Variants in TSC22D1 observed in about 807,000 individuals in gnomAD.
The protein encoded by TSC22D1 is TSC22 domain family protein 1.
Under a neutral mutation model 74.2 loss-of-function variants are expected in TSC22D1, and 9 were observed. The ratio of observed to expected loss-of-function variants is 0.12; its 90% CI spans 0.07 to 0.21. The LOEUF (loss-of-function observed/expected upper bound fraction) is 0.21, where lower values mean the gene tolerates loss of function less well. Ranked by LOEUF, TSC22D1 falls within the 10% of genes least tolerant of loss-of-function variation. The pLI is 1.00. For synonymous variants in TSC22D1, 586 were observed against 492.5 expected (o/e 1.19, Z -2.51); for missense variants, 1,427 against 1,304.7 (o/e 1.09, Z -1.44).
rs1883997587 is a variant in TSC22D1, at chr13:44,574,078, G to A, written c.1997C>T (p.Ala666Val). 2 of 1,614,126 alleles carry A rather than the reference G, an allele frequency of 1.2e-6. No individual in the cohort carries two copies. The highest frequency in any genetic ancestry group is 2.2e-5 in the East Asian group (1 of 44,898). Reference sequence around the variant, plus strand: ...AGAACTGGGCTGTCCGGAGGACATTGCTGTTTGAAGAATTGGCTGCTGTTG... The same window carrying A: ...AGAACTGGGCTGTCCGGAGGACATTACTGTTTGAAGAATTGGCTGCTGTTG... ...YVQQQPILQTAMSSGQPSSAG... is the reference protein window; with the variant it reads ...YVQQQPILQTVMSSGQPSSAG... Residue 666 changes from alanine (A) to valine (V), a missense_variant, in exon 1 of 3, where the codon GCA (alanine) becomes GTA (valine). By Grantham distance (64) the Ala-to-Val change is moderately conservative (BLOSUM62 0). Coordinates refer to ENST00000458659, the MANE Select transcript of TSC22D1 (RefSeq NM_183422.4).
At chr13:44,454,441 C>T (rs930502388) in intron 1 of TSC22D1, among the ~76,000 whole-genome samples, 1 of 152,130 alleles carries the variant, frequency 6.6e-6, no homozygotes, top group Non-Finnish European at 1.5e-5. Context: ...AACTGCCCCC[C>T]GCTAAACTAA....
intron 1 of TSC22D1, among the ~76,000 whole-genome samples, chr13:44,493,360 C>T (rs369488871): frequency 5.9e-5 from 9 of 152,258 alleles, no homozygotes; most frequent in African/African-American, 1.4e-4. Flanking sequence ...ACCTTCAGGC[C>T]TGACAAAAGA....
At chr13:44,561,691 ATTT>A (rs1230682262) in intron 1 of TSC22D1, among the ~76,000 whole-genome samples, 1 of 151,440 alleles carries the variant, frequency 6.6e-6, no homozygotes, top group African/African-American at 2.5e-5. Flanking sequence ...CCTAAACATA[ATTT>A]TCTACCTTGT....
At chr13:44,509,950 C>CAAAAAAAAAAAAAAAAAAAAAACCA in intron 1 of TSC22D1, among the ~76,000 whole-genome samples, 2 of 51,424 alleles carry the variant, frequency 3.9e-5, no homozygotes, top group Non-Finnish European at 7.1e-5. Context: ...AGAAAATAAG[C>CAAAAAAAAAAAAAAAAAAAAAACCA]AAAAAAAAAA....
intron 1 of TSC22D1, among the ~76,000 whole-genome samples, chr13:44,506,929 C>T (rs993824881): frequency 6.6e-6 from 1 of 152,154 alleles, no homozygotes; most frequent in Non-Finnish European, 1.5e-5. Context: ...TGCTGTGTAT[C>T]TGGGGACTCA....
At chr13:44,461,998 G>T (rs951385625) in intron 1 of TSC22D1, among the ~76,000 whole-genome samples, 1 of 152,068 alleles carries the variant, frequency 6.6e-6, no homozygotes, top group Admixed American at 6.6e-5. Flanking sequence ...ACAGAAGGAA[G>T]GCAAAAGCAG....
intron 1 of TSC22D1, among the ~76,000 whole-genome samples, chr13:44,460,763 C>G (rs916659414): frequency 6.6e-6 from 1 of 152,210 alleles, no homozygotes; most frequent in Non-Finnish European, 1.5e-5. Context: ...AGGAGATAGT[C>G]TTTCTTTCCC....
chr13:44,560,656 T>C (rs767483827), intron 1 of TSC22D1, among the ~76,000 whole-genome samples: 55 of 152,260 alleles, frequency 3.6e-4, no homozygotes, highest in Non-Finnish European at 6.5e-4. Context: ...AAAAGCAATA[T>C]AGAGGAGTAA....
intron 1 of TSC22D1, among the ~76,000 whole-genome samples, chr13:44,553,721 C>T (rs1436456540): frequency 6.6e-6 from 1 of 152,150 alleles, no homozygotes; most frequent in East Asian, 1.9e-4. Flanking sequence ...GCTTTTACAA[C>T]AACTTATGTT....
intron 1 of TSC22D1, among the ~76,000 whole-genome samples, chr13:44,533,324 T>G (rs1380692721): frequency 6.6e-6 from 1 of 151,180 alleles, no homozygotes; most frequent in Admixed American, 6.6e-5. Flanking sequence ...TAGCTGGGCA[T>G]GGTGGTCCGT....
At chr13:44,536,524 T>C (rs1881136933) in intron 1 of TSC22D1, among the ~76,000 whole-genome samples, 1 of 151,884 alleles carries the variant, frequency 6.6e-6, no homozygotes, top group African/African-American at 2.4e-5. Context: ...CCCACTACAA[T>C]TATTTGCGCA....
At chr13:44,501,370 A>T (rs1879212198) in intron 1 of TSC22D1, among the ~76,000 whole-genome samples, 2 of 152,190 alleles carry the variant, frequency 1.3e-5, no homozygotes, top group Non-Finnish European at 2.9e-5. Context: ...TTCAAAGAGA[A>T]ATGTAAGTAG....
At position 44,533,467 on chromosome 13, in the gene TSC22D1, T is replaced by C. The variant is rs1197663590; in HGVS notation, c.2912+39696A>G. Among the ~76,000 whole-genome samples, 3 of 125,218 alleles carry C rather than the reference T, an allele frequency of 2.4e-5. No homozygotes were observed. The East Asian group carries it at 6.9e-4, about 29-fold the overall frequency. The allele number at this position is 125,218 out of a possible 152,430, so 82.1% of individuals were successfully genotyped here. A position where few individuals can be genotyped will look rare whatever the true frequency, so the allele number is the denominator to read the frequency against. On this transcript the variant is annotated intron_variant, in intron 1 of 2. Transcript: ENST00000458659. ...AGTAAGACTCTGTATCAAATAAAAT[T>C]AAAAAAAAAAAAAAAGGCATGGAAG... is the stretch of plus-strand genomic sequence containing the variant.
rs1216473185 is a variant in TSC22D1, at chr13:44,574,822, G to A, written c.1253C>T (p.Pro418Leu). Residue 418 changes from proline to leucine, a missense_variant, in exon 1 of 3, where the codon CCC becomes CTC. This residue lies in a region of TSC22D1 where 1,343 missense variants were observed against 1,191.5 expected (regional missense o/e 1.13). Coordinates refer to ENST00000458659, the MANE Select transcript of TSC22D1 (RefSeq NM_183422.4). The part of the protein sequence containing the change: ...RVVKLDSSSE[P>L]FKKGRWTCTE... The stretch of plus-strand genomic sequence containing the variant: ...GCAAGTCCATCTACCTTTTTTAAAG[G>A]GCTCAGAACTAGAATCTAACTTCAC... 3 of 1,613,930 alleles carry A rather than the reference G, an allele frequency of 1.9e-6. No individual in the cohort carries two copies. Among genetic ancestry groups the A allele is most frequent in the Non-Finnish European group, 2.5e-6 (3 of 1,180,008 alleles).
chr13:44,558,198 T>C (rs1168277375), intron 1 of TSC22D1, among the ~76,000 whole-genome samples: 3 of 152,174 alleles, frequency 2.0e-5, no homozygotes, highest in Non-Finnish European at 4.4e-5. Context: ...CAGAATGTGG[T>C]TGAGTGCAAG....
In TSC22D1 at chr13:44,516,186, T is replaced by C. The variant is rs1342543797; in HGVS notation, c.2912+56977A>G. Among the ~76,000 whole-genome samples, 4 of 152,170 alleles carry C rather than the reference T, an allele frequency of 2.6e-5. No homozygotes were observed. In the East Asian group the frequency reaches 7.7e-4, roughly 29 times the overall value. The stretch of plus-strand genomic sequence containing the variant: ...AATACATTACTTGACCTGCAGAACT[T>C]TAGCACCTATGCTACTAAAAAAAAA... On this transcript the variant is annotated intron_variant, in intron 1 of 2. Coordinates refer to ENST00000458659, the MANE Select transcript of TSC22D1 (RefSeq NM_183422.4).
intron 1 of TSC22D1, among the ~76,000 whole-genome samples, chr13:44,487,496 C>A: frequency 3.5e-5 from 1 of 28,182 alleles, no homozygotes; most frequent in African/African-American, 1.6e-4. Context: ...AAGACTCCAT[C>A]TCAAAAAAAA....
chr13:44,515,313 T>G (rs1879926267), intron 1 of TSC22D1, among the ~76,000 whole-genome samples: 1 of 152,054 alleles, frequency 6.6e-6, no homozygotes, highest in Admixed American at 6.6e-5. Context: ...TATTTTTTTT[T>G]TAAAAAGAAT....
intron 1 of TSC22D1, among the ~76,000 whole-genome samples, chr13:44,477,232 C>T (rs539920102): frequency 5.3e-5 from 8 of 152,266 alleles, no homozygotes; most frequent in Non-Finnish European, 8.8e-5. Flanking sequence ...GGACTGCAGG[C>T]GTGAGCCACC....
Sources: gnomAD v4.1 joint callset for allele counts (sites outside exome capture counted in the v4.1 genomes callset) on GRCh38, gnomAD v4.1.1 for gene constraint, gnomAD v4.1.1 regional missense constraint, MANE v1.5 for transcripts, NCBI Gene and HGNC (gene_info 2026-07-23, HGNC 2026-07-21) for gene names.